FBXO34: variants seen among roughly 807,000 people sequenced by gnomAD.
FBXO34 encodes F-box protein 34, also known as F-box only protein 34.
Under a neutral mutation model 24.5 loss-of-function variants are expected in FBXO34, and 12 were observed. The ratio of observed to expected loss-of-function variants is 0.49; its 90% CI spans 0.31 to 0.79. The LOEUF is 0.79. Among genes scored for constraint, FBXO34 ranks in the 30% least tolerant of loss-of-function variants. FBXO34 has a pLI of 0.04. For synonymous variants in FBXO34, 320 were observed against 311.9 expected (o/e 1.03, Z -0.27); for missense variants, 823 against 857.7 (o/e 0.96, Z 0.51).
the FBXO34 span, among the ~76,000 whole-genome samples, chr14:55,431,091 C>A: frequency 6.6e-6 from 1 of 152,190 alleles, no homozygotes; most frequent in African/African-American, 2.4e-5. Flanking sequence ...TGATCTTCTG[C>A]ACTTTTCCTA....
At chr14:55,368,174 A>G (rs1449213149), downstream of FBXO34, 1 of 152,646 alleles carries the variant, frequency 6.6e-6, no homozygotes, top group African/African-American at 2.4e-5. Flanking sequence ...GATTGTCACT[A>G]AAAGAATGAC....
At chr14:55,330,919 T>TTG (rs2140046029) in intron 1 of FBXO34, among the ~76,000 whole-genome samples, 1 of 152,358 alleles carries the variant, frequency 6.6e-6, no homozygotes, top group Non-Finnish European at 1.5e-5. Context: ...GATGGAGATT[T>TTG]TGTGCTTTGT....
chr14:55,401,603 G>T, the FBXO34 span, among the ~76,000 whole-genome samples: 2 of 152,016 alleles, frequency 1.3e-5, no homozygotes, highest in African/African-American at 4.8e-5. Context: ...TCTCTCAAAT[G>T]AACTTTGTTG....
chr14:55,397,870 T>C, the FBXO34 span, among the ~76,000 whole-genome samples: 1 of 152,152 alleles, frequency 6.6e-6, no homozygotes, highest in Non-Finnish European at 1.5e-5. Context: ...ACTAATTTTA[T>C]TGCTAGTTAT....
At chr14:55,410,857 G>T in the FBXO34 span, among the ~76,000 whole-genome samples, 1 of 152,206 alleles carries the variant, frequency 6.6e-6, no homozygotes, top group Non-Finnish European at 1.5e-5. Flanking sequence ...AACATAAGTT[G>T]AGAGTGGGAG....
the FBXO34 span, chr14:55,411,957 T>A: frequency 1.3e-6 from 1 of 776,852 alleles, no homozygotes; most frequent in Non-Finnish European, 2.0e-6. Context: ...CGCGTGTTCC[T>A]GTCCCGGGCA....
At chr14:55,357,980 G>A (rs564838012), downstream of FBXO34, among the ~76,000 whole-genome samples, 2 of 152,314 alleles carry the variant, frequency 1.3e-5, 1 homozygote, top group African/African-American at 4.8e-5. Flanking sequence ...TTGAGTGTTT[G>A]CAGTCTGGTT....
intron 1 of FBXO34, among the ~76,000 whole-genome samples, chr14:55,336,979 A>AT (rs10573228): frequency 1.9e-4 from 26 of 136,952 alleles, no homozygotes; most frequent in Non-Finnish European, 2.5e-4. Context: ...TTTTTATTTT[A>AT]TTTTTTTTTT....
At chr14:55,411,685 G>A in the FBXO34 span, 20 of 1,613,068 alleles carry the variant, frequency 1.2e-5, no homozygotes, top group African/African-American at 2.7e-5. Flanking sequence ...GGGTAGTGTT[G>A]CACAGCGGGC....
the FBXO34 span, among the ~76,000 whole-genome samples, chr14:55,412,298 A>G: frequency 6.6e-6 from 1 of 152,216 alleles, no homozygotes; most frequent in African/African-American, 2.4e-5. Flanking sequence ...ACTTGGGGCA[A>G]GTTCCTTAAT....
chr14:55,375,644 T>G, the FBXO34 span, among the ~76,000 whole-genome samples: 3 of 152,054 alleles, frequency 2.0e-5, no homozygotes, highest in African/African-American at 4.8e-5. Flanking sequence ...ATGCCTGGTT[T>G]GAACTATCAT....
At chr14:55,367,978 A>G (rs1485936037) in exon 3 of FBXO34, 1 of 152,664 alleles carries the variant, frequency 6.6e-6, no homozygotes, top group Non-Finnish European at 1.5e-5. Flanking sequence ...GGGGCATGGC[A>G]AACCTCTGAA....
chr14:55,345,377 C>T (rs1269838235), intron 1 of FBXO34, among the ~76,000 whole-genome samples: 2 of 152,156 alleles, frequency 1.3e-5, no homozygotes, highest in East Asian at 1.9e-4. Context: ...TATTTCCCAC[C>T]TACCTGAATT....
At chr14:55,307,126 C>G (rs1477846074) in intron 1 of FBXO34, among the ~76,000 whole-genome samples, 1 of 152,228 alleles carries the variant, frequency 6.6e-6, no homozygotes, top group Non-Finnish European at 1.5e-5. Flanking sequence ...TACCCTTAAT[C>G]ACATTGCCAT....
At chr14:55,442,827 C>A in the FBXO34 span, among the ~76,000 whole-genome samples, 1 of 152,072 alleles carries the variant, frequency 6.6e-6, no homozygotes, top group Non-Finnish European at 1.5e-5. Flanking sequence ...TATGTTGAAG[C>A]CCTGATTTGA....
At chr14:55,402,141 G>A in the FBXO34 span, among the ~76,000 whole-genome samples, 1 of 152,086 alleles carries the variant, frequency 6.6e-6, no homozygotes, top group East Asian at 1.9e-4. Flanking sequence ...TCTGTGCTAG[G>A]AATAACTAGC....
downstream of FBXO34, among the ~76,000 whole-genome samples, chr14:55,357,207 G>C (rs1385545358): frequency 6.6e-6 from 1 of 152,224 alleles, no homozygotes; most frequent in African/African-American, 2.4e-5. Flanking sequence ...GAAAAGCACA[G>C]TAAGGTAGCA....
At chr14:55,381,906 A>C in the FBXO34 span, 157 of 1,480,516 alleles carry the variant, frequency 1.1e-4, 1 homozygote, top group South Asian at 1.7e-3. Flanking sequence ...TTGTTATGTC[A>C]ATTTTACCTA....
At chr14:55,306,879 C>T (rs894343992) in intron 1 of FBXO34, among the ~76,000 whole-genome samples, 3 of 152,016 alleles carry the variant, frequency 2.0e-5, no homozygotes, top group African/African-American at 7.2e-5. Flanking sequence ...TTAGGTCTTA[C>T]TAAATGGAAA....
Sources: gnomAD v4.1 joint callset for allele counts (sites outside exome capture counted in the v4.1 genomes callset) on GRCh38, gnomAD v4.1.1 for gene constraint, MANE v1.5 for transcripts, NCBI Gene and HGNC (gene_info 2026-07-23, HGNC 2026-07-21) for gene names.